The following ITPR2 variants were observed in gnomAD, a reference collection of about 807,000 sequenced individuals.
ITPR2 encodes inositol 1,4,5-trisphosphate-gated calcium channel ITPR2.
In ITPR2, 207 loss-of-function variants were observed where a neutral mutation model predicts 317.1. The ratio of observed to expected loss-of-function variants is 0.65; its 90% CI spans 0.58 to 0.73. ITPR2 has a LOEUF of 0.73. ITPR2 is among the 30% of genes least tolerant of loss of function. The pLI, the probability that ITPR2 is intolerant of heterozygous loss-of-function variation, is 0.00. For synonymous variants in ITPR2, 1,156 were observed against 1,149.1 expected, an observed-to-expected ratio of 1.01 and a Z score of -0.12; for missense variants, 2,613 against 3,284.0, an observed-to-expected ratio of 0.80 and a Z score of 4.99.
chr12:26,727,431 G>A (rs760222607), intron 2 of ITPR2, among the ~76,000 whole-genome samples: 8 of 152,144 alleles, frequency 5.3e-5, no homozygotes, highest in Non-Finnish European at 7.4e-5. Flanking sequence ...AAAAAGGAAA[G>A]AGAAAAAATT....
In ITPR2 at chr12:26,439,175, G is replaced by C. The variant is rs756190548; in HGVS notation, c.6595C>G (p.Gln2199Glu). 5 of 1,611,666 alleles carry C rather than the reference G, an allele frequency of 3.1e-6. No individual in the cohort carries two copies. The Admixed American group carries it at 8.4e-5, about 27-fold the overall frequency. Residue 2199 changes from glutamine (Q) to glutamate (E), a missense_variant, in exon 47 of 57, where the codon CAA becomes GAA. Coordinates refer to ENST00000381340, the MANE Select transcript of ITPR2 (RefSeq NM_002223.4). ...QGSKVNDFFQ[Q>E]TEDLYNEMKW... is the part of the protein sequence containing the mutation. ...ATTTCATTGTAGAGATCTTCTGTTT[G>C]CTGGAAAAAGTCATTCACTTTACTT...
chr12:26,592,376 C>A (rs1945730682), intron 32 of ITPR2, among the ~76,000 whole-genome samples: 2 of 152,098 alleles, frequency 1.3e-5, no homozygotes, highest in Admixed American at 1.3e-4. Context: ...ACAATAATTT[C>A]TTGTACATTT....
chr12:26,526,349 A>G (rs528934456), intron 37 of ITPR2, among the ~76,000 whole-genome samples: 4 of 152,348 alleles, frequency 2.6e-5, no homozygotes, highest in African/African-American at 9.6e-5. Flanking sequence ...GCACATGAAT[A>G]GCCAAGGGAA....
intron 55 of ITPR2, among the ~76,000 whole-genome samples, chr12:26,357,581 C>T (rs117588584): frequency 0.062 from 9,488 of 152,304 alleles, 423 homozygotes; most frequent in Non-Finnish European, 0.094. Flanking sequence ...AAGAGGGTTG[C>T]GGGAACCGCC....
intron 13 of ITPR2, among the ~76,000 whole-genome samples, chr12:26,680,914 C>A (rs1444946121): frequency 2.0e-5 from 3 of 152,100 alleles, no homozygotes; most frequent in Admixed American, 1.3e-4. Flanking sequence ...TGGTGAGTCA[C>A]GGGGTGTTTG....
At position 26,784,675 on chromosome 12, in the gene ITPR2, G is replaced by A. The variant is rs554396936; in HGVS notation, c.163+5482C>T. Among the ~76,000 whole-genome samples, 948 of 151,590 alleles carry A rather than the reference G, an allele frequency of 6.3e-3. 10 individuals are homozygous for A. The highest frequency in any genetic ancestry group is 0.021 in the African/African-American group (873 of 41,334). On this transcript the variant is annotated intron_variant, in intron 2 of 56. Coordinates refer to ENST00000381340, the MANE Select transcript of ITPR2 (RefSeq NM_002223.4). ...GGTGCCCAGGCTGGAGTGCAGTGGC[G>A]TGATCTCGGCTCGCTACAGCCTCCA...
chr12:26,492,530 G>A (rs1481990864), intron 39 of ITPR2, among the ~76,000 whole-genome samples: 1 of 151,794 alleles, frequency 6.6e-6, no homozygotes, highest in East Asian at 1.9e-4. Flanking sequence ...TGGTTGACTG[G>A]ACACTTTCTC....
At chr12:26,702,704 T>C (rs932346934) in intron 9 of ITPR2, among the ~76,000 whole-genome samples, 1 of 152,282 alleles carries the variant, frequency 6.6e-6, no homozygotes, top group Admixed American at 6.5e-5. Context: ...CCTCCCAAAG[T>C]GCTGGGATTA....
At chr12:26,398,090 G>T (rs971106256) in intron 54 of ITPR2, among the ~76,000 whole-genome samples, 1 of 151,030 alleles carries the variant, frequency 6.6e-6, no homozygotes, top group South Asian at 2.1e-4. Context: ...GTGTGTGTGT[G>T]TGTGTGTAAG....
At chr12:26,491,388 A>C (rs1277295542) in intron 39 of ITPR2, among the ~76,000 whole-genome samples, 1 of 147,300 alleles carries the variant, frequency 6.8e-6, no homozygotes, top group East Asian at 2.1e-4. Flanking sequence ...GAGGCTGAGG[A>C]AGGAGAATGG....
At chr12:26,812,305 C>T (rs1308858383) in intron 1 of ITPR2, among the ~76,000 whole-genome samples, 2 of 152,038 alleles carry the variant, frequency 1.3e-5, no homozygotes, top group East Asian at 1.9e-4. Context: ...CGGCCGGATG[C>T]GGTGGCTCAT....
intron 13 of ITPR2, among the ~76,000 whole-genome samples, chr12:26,671,770 T>C (rs1947778153): frequency 6.6e-6 from 1 of 152,030 alleles, no homozygotes; most frequent in Non-Finnish European, 1.5e-5. Flanking sequence ...GGATAAAGAG[T>C]CAAGACTCAT....
intron 2 of ITPR2, among the ~76,000 whole-genome samples, chr12:26,753,430 A>C (rs1427490105): frequency 1.3e-5 from 2 of 152,134 alleles, no homozygotes; most frequent in African/African-American, 4.8e-5. Flanking sequence ...CTAAAAGGGG[A>C]AACTTGAGAG....
chr12:26,368,073 T>C (rs1033254278), intron 55 of ITPR2, among the ~76,000 whole-genome samples: 5 of 152,250 alleles, frequency 3.3e-5, no homozygotes, highest in African/African-American at 1.2e-4. Context: ...CTTTGGGGAC[T>C]ATTTAAATGA....
intron 55 of ITPR2, among the ~76,000 whole-genome samples, chr12:26,370,265 T>C (rs1939144003): frequency 6.6e-6 from 1 of 152,168 alleles, no homozygotes; most frequent in African/African-American, 2.4e-5. Context: ...GGGCATCTTT[T>C]TGAGGACTAT....
At chr12:26,774,617 A>C (rs1237774742) in intron 2 of ITPR2, among the ~76,000 whole-genome samples, 1 of 152,240 alleles carries the variant, frequency 6.6e-6, no homozygotes, top group Non-Finnish European at 1.5e-5. Flanking sequence ...CCTGACCCTC[A>C]TACAGTTTAT....
At chr12:26,605,805 A>C (rs1360613157) in intron 26 of ITPR2, among the ~76,000 whole-genome samples, 32 of 152,214 alleles carry the variant, frequency 2.1e-4, no homozygotes, top group Non-Finnish European at 1.5e-5. Flanking sequence ...ACATTGGAAA[A>C]TTCAACAAAC....
chr12:26,649,800 GATA>G (rs1947201366), intron 21 of ITPR2, among the ~76,000 whole-genome samples: 1 of 150,892 alleles, frequency 6.6e-6, no homozygotes, highest in African/African-American at 2.4e-5. Flanking sequence ...TAGATAGATA[GATA>G]GATAGATAGA....
At chr12:26,488,903 T>G (rs1034332445) in intron 39 of ITPR2, among the ~76,000 whole-genome samples, 1 of 152,174 alleles carries the variant, frequency 6.6e-6, no homozygotes, top group Non-Finnish European at 1.5e-5. Context: ...TAGTTCCATT[T>G]TATAGATTCA....
Sources: allele counts gnomAD v4.1 joint callset (sites outside exome capture counted in the v4.1 genomes callset), GRCh38; gene constraint gnomAD v4.1.1; transcripts MANE v1.5; gene names NCBI Gene and HGNC (gene_info 2026-07-23, HGNC 2026-07-21).